The following SNX29 variants were observed in gnomAD, a reference collection of about 807,000 sequenced individuals.
SNX29 encodes sorting nexin-29.
In SNX29, 78 loss-of-function variants were observed where a neutral mutation model predicts 102.1. That is an observed-to-expected ratio of 0.76 (90% confidence interval 0.64 to 0.92). The LOEUF is 0.92. SNX29 is among the 40% of genes least tolerant of loss of function. The pLI is 0.00. For missense variants in SNX29, 1,280 were observed against 1,061.7 expected, an observed-to-expected ratio of 1.21 and a Z score of -2.86; for synonymous variants, 580 against 414.5, an observed-to-expected ratio of 1.40 and a Z score of -4.85.
At chr16:12,268,015 C>T (rs570611026) in intron 14 of SNX29, among the ~76,000 whole-genome samples, 5 of 152,318 alleles carry the variant, frequency 3.3e-5, no homozygotes, top group African/African-American at 1.2e-4. Flanking sequence ...AGGCCCTTTG[C>T]ATTTGCGGTT....
intron 19 of SNX29, among the ~76,000 whole-genome samples, chr16:12,523,674 G>C (rs1182801080): frequency 1.3e-5 from 2 of 152,176 alleles, no homozygotes; most frequent in Non-Finnish European, 2.9e-5. Context: ...TGCACACCAA[G>C]CAAGCTGGCC....
In SNX29 at chr16:12,063,366, C is replaced by CTTTTTTTTT. The variant is rs369015533; in HGVS notation, c.1243+1738_1243+1746dup. The stretch of plus-strand genomic sequence containing the variant: ...CCCACCTCTTCTTTTCCTAGTCCAT[C>CTTTTTTTTT]TTTTTTTTTTTTTTTTTTTTTTTTT... On this transcript the variant is annotated intron_variant, in intron 9 of 20. Transcript: ENST00000566228. Among the ~76,000 whole-genome samples, 365 of 55,378 alleles carry CTTTTTTTTT rather than the reference C, an allele frequency of 6.6e-3. 69 individuals are homozygous for CTTTTTTTTT. Among genetic ancestry groups the CTTTTTTTTT allele is most frequent in the African/African-American group, 0.021 (287 of 13,902 alleles). The allele number at this position is 55,378 out of a possible 152,430, so 36.3% of individuals were successfully genotyped here. A position where few individuals can be genotyped will look rare whatever the true frequency, so the allele number is the denominator to read the frequency against.
intron 12 of SNX29, 56 bp from the exon 13 acceptor site, chr16:12,129,574 G>A: frequency 6.5e-7 from 1 of 1,549,190 alleles, no homozygotes; most frequent in Non-Finnish European, 8.7e-7. Flanking sequence ...CTGTGTCCTG[G>A]GCTCAGTGGG....
chr16:12,259,444 G>T (rs1186615819), intron 14 of SNX29, among the ~76,000 whole-genome samples: 1 of 152,076 alleles, frequency 6.6e-6, no homozygotes, highest in Admixed American at 6.6e-5. Context: ...GTTCTGCTGG[G>T]TGAGGGGGAT....
chr16:12,323,391 T>G (rs2151184535), intron 15 of SNX29, among the ~76,000 whole-genome samples: 1 of 152,150 alleles, frequency 6.6e-6, no homozygotes, highest in African/African-American at 2.4e-5. Flanking sequence ...TTACCTAAAG[T>G]AAACTCATTT....
intron 18 of SNX29, among the ~76,000 whole-genome samples, chr16:12,459,008 C>T (rs915685085): frequency 1.3e-5 from 2 of 151,230 alleles, no homozygotes; most frequent in Non-Finnish European, 2.9e-5. Flanking sequence ...ATTCTCCTTC[C>T]TCCTCCCTTT....
chr16:12,194,865 G>A (rs958503527), intron 13 of SNX29, among the ~76,000 whole-genome samples: 4 of 152,022 alleles, frequency 2.6e-5, no homozygotes, highest in South Asian at 2.1e-4. Flanking sequence ...GACCTCAGAT[G>A]ATCCACTCAC....
At chr16:12,278,098 G>C in intron 15 of SNX29, 62 bp downstream of exon 15, 3 of 1,447,824 alleles carry the variant, frequency 2.1e-6, no homozygotes, top group Admixed American at 2.0e-5. Context: ...AGACTTTCCA[G>C]GGTAGGTCCA....
intron 11 of SNX29, among the ~76,000 whole-genome samples, chr16:12,095,926 G>A (rs565665946): frequency 4.6e-5 from 7 of 152,214 alleles, no homozygotes; most frequent in East Asian, 1.9e-4. Context: ...CTAGTGAGGC[G>A]TTCTGGCTCA....
intron 16 of SNX29, among the ~76,000 whole-genome samples, chr16:12,392,473 T>C (rs2083564170): frequency 6.6e-6 from 1 of 152,188 alleles, no homozygotes; most frequent in Non-Finnish European, 1.5e-5. Context: ...TCTGTCCATT[T>C]TTACATCTGC....
At chr16:12,225,669 A>G (rs1318522407) in intron 14 of SNX29, among the ~76,000 whole-genome samples, 1 of 152,198 alleles carries the variant, frequency 6.6e-6, no homozygotes, top group African/African-American at 2.4e-5. Flanking sequence ...CAGCCCAGGT[A>G]CAAGTTGTAA....
At chr16:12,176,904 A>G (rs901857982) in intron 13 of SNX29, among the ~76,000 whole-genome samples, 2 of 151,482 alleles carry the variant, frequency 1.3e-5, no homozygotes, top group Non-Finnish European at 2.9e-5. Context: ...TGTGGGGGAA[A>G]ATTTGCAGGT....
intron 13 of SNX29, among the ~76,000 whole-genome samples, chr16:12,162,193 C>G (rs1262639339): frequency 6.6e-6 from 1 of 152,208 alleles, no homozygotes. Flanking sequence ...CAGATCTCAG[C>G]ACGGTCGGCT....
chr16:12,128,307 A>T (rs1356034303), intron 12 of SNX29, among the ~76,000 whole-genome samples: 1 of 152,244 alleles, frequency 6.6e-6, no homozygotes, highest in Non-Finnish European at 1.5e-5. Context: ...CTTCCCAGAA[A>T]GAAAAGAAAA....
intron 14 of SNX29, among the ~76,000 whole-genome samples, chr16:12,250,412 CAT>C (rs1037653308): frequency 2.0e-5 from 3 of 152,180 alleles, no homozygotes; most frequent in African/African-American, 7.2e-5. Flanking sequence ...CATTCGGCCT[CAT>C]GTTGCAATGG....
At chr16:12,082,248 G>A (rs1382451972) in intron 11 of SNX29, among the ~76,000 whole-genome samples, 1 of 151,902 alleles carries the variant, frequency 6.6e-6, no homozygotes, top group Non-Finnish European at 1.5e-5. Context: ...TCATGCCTGC[G>A]AGCCTTTGTA....
chr16:12,560,254 A>G (rs1419466007), intron 20 of SNX29, among the ~76,000 whole-genome samples: 1 of 152,136 alleles, frequency 6.6e-6, no homozygotes, highest in Admixed American at 6.5e-5. Context: ...GAAGCTTAAA[A>G]ATATCAGGAA....
At chr16:12,076,613 T>C (rs1399438396) in intron 10 of SNX29, among the ~76,000 whole-genome samples, 1 of 152,182 alleles carries the variant, frequency 6.6e-6, no homozygotes, top group African/African-American at 2.4e-5. Context: ...GGTCATAACA[T>C]TTTTATGTAG....
intron 16 of SNX29, among the ~76,000 whole-genome samples, chr16:12,389,266 A>T (rs1238391575): frequency 6.6e-6 from 1 of 152,122 alleles, no homozygotes; most frequent in Non-Finnish European, 1.5e-5. Flanking sequence ...ACTGATATGG[A>T]TTGGCTGTGT....
Sources: allele counts gnomAD v4.1 joint callset (sites outside exome capture counted in the v4.1 genomes callset), GRCh38; gene constraint gnomAD v4.1.1; transcripts MANE v1.5; gene names NCBI Gene and HGNC (gene_info 2026-07-23, HGNC 2026-07-21).